SLC4A4: variants seen among roughly 807,000 people sequenced by gnomAD.
SLC4A4 encodes solute carrier family 4 member 4.
A neutral mutation model predicts 111.5 loss-of-function variants in SLC4A4; 27 were observed. The ratio of observed to expected loss-of-function variants is 0.24; its 90% CI spans 0.18 to 0.33. The LOEUF (loss-of-function observed/expected upper bound fraction) is 0.33, where lower values mean the gene tolerates loss of function less well. Ranked by LOEUF, SLC4A4 falls within the 10% of genes least tolerant of loss-of-function variation. The pLI is 1.00. For missense variants in SLC4A4, 909 were observed against 1,315.5 expected (o/e 0.69, Z 4.78); for synonymous variants, 443 against 463.4 (o/e 0.96, Z 0.57).
At chr4:71,321,015 A>T (rs1252154686) in intron 3 of SLC4A4, among the ~76,000 whole-genome samples, 2 of 152,058 alleles carry the variant, frequency 1.3e-5, no homozygotes, top group Non-Finnish European at 2.9e-5. Flanking sequence ...AATGTTGTAG[A>T]GATAGAATAT....
rs374212201 is a variant in SLC4A4, at chr4:71,534,319, C to T, written c.2373C>T (p.Val791=). The T allele has an allele frequency of 2.0e-5, 32 of 1,613,470 alleles. No individual in the cohort carries two copies. Among genetic ancestry groups the T allele is most frequent in the Non-Finnish European group, 2.7e-5 (32 of 1,179,728 alleles). Residue 791 remains valine, a synonymous_variant, in exon 18 of 26, where the codon GTC becomes GTT. Transcript: ENST00000264485. ...CTGCTGCTATCCCGGCTTTGTTGGT[C>T]ACTATACTGATTTTCATGGACCAAC... The part of the protein sequence containing the change: ...CLAAAIPALL[V]TILIFMDQQI...
At chr4:71,536,847 C>T (rs933975519) in intron 18 of SLC4A4, among the ~76,000 whole-genome samples, 9 of 151,512 alleles carry the variant, frequency 5.9e-5, no homozygotes, top group African/African-American at 2.2e-4. Flanking sequence ...GCCATTTGAT[C>T]TAGAAGCTTG....
At chr4:71,546,668 G>A (rs1301328608) in intron 19 of SLC4A4, 140 bp downstream of exon 19, 9 of 782,372 alleles carry the variant, frequency 1.2e-5, no homozygotes, top group Admixed American at 4.3e-5. Context: ...TTCCAGAAAG[G>A]ACTAAATTTT....
At chr4:71,353,794 G>A (rs1425350396) in intron 5 of SLC4A4, among the ~76,000 whole-genome samples, 1 of 152,152 alleles carries the variant, frequency 6.6e-6, no homozygotes, top group African/African-American at 2.4e-5. Flanking sequence ...AACAATAGCT[G>A]CTTTTCATCT....
chr4:71,294,250 T>G (rs1724603846), intron 3 of SLC4A4, among the ~76,000 whole-genome samples: 1 of 152,206 alleles, frequency 6.6e-6, no homozygotes, highest in African/African-American at 2.4e-5. Flanking sequence ...TGAAGCTGCC[T>G]AGGGCTACAG....
At chr4:71,331,637 G>A (rs959500566) in intron 3 of SLC4A4, among the ~76,000 whole-genome samples, 15 of 150,484 alleles carry the variant, frequency 1.0e-4, no homozygotes, top group African/African-American at 3.2e-4. Context: ...TGTAAATGAC[G>A]AGTTAATGGG....
intron 2 of SLC4A4, among the ~76,000 whole-genome samples, chr4:71,102,645 C>T (rs1291760004): frequency 4.6e-5 from 7 of 150,674 alleles, no homozygotes; most frequent in Non-Finnish European, 1.0e-4. Context: ...AATTTTCAAC[C>T]CAGAATTTCA....
intron 6 of SLC4A4, among the ~76,000 whole-genome samples, chr4:71,379,026 A>T (rs943402377): frequency 6.6e-6 from 1 of 152,122 alleles, no homozygotes; most frequent in African/African-American, 2.4e-5. Context: ...CAACTGCTCT[A>T]ATTCAGGTTT....
Position 71,466,476 on chromosome 4 carries a change from C to T in SLC4A4, c.1530C>T (p.Val510=). The change falls in exon 13 of 26, where the codon GTC becomes GTT. Residue 510 remains valine (V), a synonymous_variant. Coordinates refer to ENST00000264485, the MANE Select transcript of SLC4A4 (RefSeq NM_001098484.3). ...GVLESFLGTA[V]SGAIFCLFAG... ...TGGAGAGTTTCCTGGGCACTGCTGT[C>T]TCTGGAGCCATCTTTTGCCTTTTTG... The T allele has an allele frequency of 6.2e-7, 1 of 1,613,650 alleles. No homozygotes were observed. The highest frequency in any genetic ancestry group is 8.5e-7 in the Non-Finnish European group (1 of 1,179,684).
chr4:71,172,606 TTAAGC>T (rs1341614924), intron 2 of SLC4A4, among the ~76,000 whole-genome samples: 1 of 152,242 alleles, frequency 6.6e-6, no homozygotes, highest in Non-Finnish European at 1.5e-5. Flanking sequence ...TTCTTTAAGT[TTAAGC>T]AAGTAAAAAT....
intron 2 of SLC4A4, among the ~76,000 whole-genome samples, chr4:71,165,985 T>C (rs371979442): frequency 1.7e-3 from 259 of 152,268 alleles, no homozygotes; most frequent in African/African-American, 5.9e-3. Context: ...CAGAGCATAA[T>C]AGTGAAAGCA....
At chr4:71,194,530 A>G (rs1410104079) in intron 1 of SLC4A4, among the ~76,000 whole-genome samples, 1 of 152,164 alleles carries the variant, frequency 6.6e-6, no homozygotes, top group Non-Finnish European at 1.5e-5. Flanking sequence ...AGGTTCATCA[A>G]GCATCATATT....
At chr4:71,545,350 T>TA (rs1228721045) in intron 18 of SLC4A4, among the ~76,000 whole-genome samples, 2 of 152,012 alleles carry the variant, frequency 1.3e-5, no homozygotes, top group Admixed American at 1.3e-4. Flanking sequence ...GTTCCTAGTG[T>TA]AAATCACATC....
chr4:71,412,943 G>GA (rs1721492962), intron 7 of SLC4A4, among the ~76,000 whole-genome samples: 1 of 152,178 alleles, frequency 6.6e-6, no homozygotes, highest in Non-Finnish European at 1.5e-5. Context: ...CTTGACCTTA[G>GA]AACAAAGGAG....
intron 2 of SLC4A4, among the ~76,000 whole-genome samples, chr4:71,254,207 C>T (rs1189516340): frequency 6.6e-6 from 1 of 152,050 alleles, no homozygotes; most frequent in African/African-American, 2.4e-5. Flanking sequence ...CAAAAATGTT[C>T]ACATTATTTC....
chr4:71,480,090 T>C (rs991387634), intron 14 of SLC4A4, among the ~76,000 whole-genome samples: 1 of 149,934 alleles, frequency 6.7e-6, no homozygotes, highest in Admixed American at 6.7e-5. Context: ...GGCATGATCA[T>C]AGCTCAGTGC....
chr4:71,504,560 G>A (rs1731218347), intron 16 of SLC4A4, among the ~76,000 whole-genome samples: 1 of 148,378 alleles, frequency 6.7e-6, no homozygotes, highest in South Asian at 2.1e-4. Flanking sequence ...GTATTCTATA[G>A]TATCTCTCTG....
At chr4:71,229,819 T>G (rs1210863945) in intron 1 of SLC4A4, among the ~76,000 whole-genome samples, 1 of 151,624 alleles carries the variant, frequency 6.6e-6, no homozygotes, top group Non-Finnish European at 1.5e-5. Flanking sequence ...GAAGTTTTTT[T>G]TTTTTTTTTT....
At position 71,221,231 on chromosome 4, in the gene SLC4A4, C is replaced by T. The variant is rs143728750; in HGVS notation, c.-1-15345C>T. On this transcript the variant is annotated intron_variant, in intron 1 of 25. Coordinates refer to ENST00000264485, the MANE Select transcript of SLC4A4 (RefSeq NM_001098484.3). ...GATTTATATTCCTCTGGGTATATAC[C>T]GAGTAATGGAATTGCTGGGTTGAAT... 2.7e-3 allele frequency among the ~76,000 whole-genome samples: 405 copies of T among 152,188 alleles called. 1 individual carries two copies. The highest frequency in any genetic ancestry group is 9.0e-3 in the African/African-American group (375 of 41,522).
Sources: gnomAD v4.1 joint callset for allele counts (sites outside exome capture counted in the v4.1 genomes callset) on GRCh38, gnomAD v4.1.1 for gene constraint, MANE v1.5 for transcripts, NCBI Gene and HGNC (gene_info 2026-07-23, HGNC 2026-07-21) for gene names.